The following TTN variants were observed in gnomAD, a reference collection of about 807,000 sequenced individuals.
TTN encodes titin.
A neutral mutation model predicts 3,223.0 loss-of-function variants in TTN; 1,525 were observed. That is an observed-to-expected ratio of 0.47 (90% CI 0.45 to 0.49). TTN has a LOEUF of 0.49. TTN is among the 20% of genes least tolerant of loss of function. The pLI is 0.00. For synonymous variants in TTN, 14,094 were observed against 15,161.0 expected, an observed-to-expected ratio of 0.93 and a Z score of 5.17; for missense variants, 40,786 against 43,424.0, an observed-to-expected ratio of 0.94 and a Z score of 5.40.
At chr2:178,684,495 G>T in intron 131 of TTN, 82 bp from the exon 132 acceptor site, 1 of 1,464,860 alleles carries the variant, frequency 6.8e-7, no homozygotes, top group Non-Finnish European at 9.4e-7. Flanking sequence ...TGTGATTTTA[G>T]AATAGAAGAA....
chr2:178,797,242 A>ATT (rs140929785), intron 6 of TTN, among the ~76,000 whole-genome samples: 2 of 151,192 alleles, frequency 1.3e-5, no homozygotes, highest in Admixed American at 1.3e-4. Flanking sequence ...GAGACTGAAC[A>ATT]TTTTTTTTTA....
At chr2:178,701,502 T>C in intron 110 of TTN, 26 bp downstream of exon 110, 2 of 1,604,100 alleles carry the variant, frequency 1.2e-6, no homozygotes, top group South Asian at 2.2e-5. Flanking sequence ...TGCTCCAAGC[T>C]CAGATGTTGA....
intron 243 of TTN, 52 bp from the exon 244 acceptor site, chr2:178,622,060 G>T: frequency 6.7e-7 from 1 of 1,500,768 alleles, no homozygotes. Context: ...CTTCACACAG[G>T]TGTCCTTAAG....
In TTN at chr2:178,578,948, G is replaced by A. The variant is rs79406408; in HGVS notation, c.68082C>T (p.Cys22694=). ...AGGTGGTTTTCTGGACAGCTGAGGC[G>A]CACGTCACCCACTTGTTGTTCACAG... ...RDSVNNKWVT[C]ASAVQKTTFR... is the part of the protein sequence containing the mutation. Residue 22694 remains cysteine (C), a synonymous_variant, in exon 320 of 363, where the codon TGC becomes TGT. Coordinates refer to ENST00000589042, the MANE Select transcript of TTN (RefSeq NM_001267550.2). 3.3e-4 allele frequency: 532 copies of A among 1,613,182 alleles called. No individual in the cohort carries two copies. In the East Asian group the frequency reaches 4.3e-3, roughly 13 times the overall value.
chr2:178,608,554 A>G, intron 274 of TTN, 52 bp downstream of exon 274: 1 of 1,575,056 alleles, frequency 6.3e-7, no homozygotes, highest in Non-Finnish European at 8.6e-7. Flanking sequence ...TAGTAATTAT[A>G]TACCAAAGTA....
chr2:178,553,873 T>C (rs1299585853), intron 333 of TTN, 41 bp downstream of exon 333: 2 of 1,564,154 alleles, frequency 1.3e-6, no homozygotes, highest in African/African-American at 1.4e-5. Context: ...CAGGTGAATA[T>C]AGAAGACACA....
At chr2:178,771,065 G>T in intron 34 of TTN, 146 bp downstream of exon 34, 3 of 1,297,428 alleles carry the variant, frequency 2.3e-6, no homozygotes, top group Non-Finnish European at 2.1e-6. Context: ...CTTGTGGAAT[G>T]TGTCTCAGGA....
In TTN at chr2:178,576,143, A is replaced by G. The variant is rs1211020644; in HGVS notation, c.69989T>C (p.Ile23330Thr). The change falls in exon 326 of 363, where the codon ATT becomes ACT. Residue 23330 changes from isoleucine (I) to threonine (T), a missense_variant. Coordinates refer to ENST00000589042, the MANE Select transcript of TTN (RefSeq NM_001267550.2). The surrounding 1 kb of genome is among the most constrained non-coding windows in gnomAD (Gnocchi z 4.3). Reference sequence around the variant, plus strand: ...CCGTTCTACGATTTCAACATCTGGAATCACCGCTGGCTCCCCAACACCTGC... The same window carrying G: ...CCGTTCTACGATTTCAACATCTGGAGTCACCGCTGGCTCCCCAACACCTGC... ...NDAGVGEPAV[I>T]PDVEIVEREM... 1 of 1,613,448 alleles carries G rather than the reference A, an allele frequency of 6.2e-7. No homozygotes were observed. Among genetic ancestry groups the G allele is most frequent in the South Asian group, 1.1e-5 (1 of 91,024 alleles).
intron 242 of TTN, 86 bp from the exon 243 acceptor site, chr2:178,622,853 C>T (rs920594454): frequency 9.4e-7 from 1 of 1,065,430 alleles, no homozygotes. Context: ...GAAAAAGTGA[C>T]TCTTTTTTAG....
At chr2:178,744,787 C>G (rs952206435) in intron 47 of TTN, 1 of 984,792 alleles carries the variant, frequency 1.0e-6, no homozygotes, top group African/African-American at 1.8e-5. Flanking sequence ...CAGGCCAATA[C>G]TAAATTATTG....
chr2:178,584,142 T>C, intron 311 of TTN, 134 bp downstream of exon 311: 4 of 1,130,296 alleles, frequency 3.5e-6, no homozygotes, highest in Non-Finnish European at 4.9e-6. Context: ...TAGAACATAT[T>C]CTTAAATGGG....
rs370352450 is a variant in TTN, at chr2:178,607,775, C to A, written c.53002+10G>T. The A allele has an allele frequency of 5.0e-6, 8 of 1,612,500 alleles. No homozygotes were observed. In the African/African-American group the frequency reaches 1.1e-4, roughly 22 times the overall value. On this transcript the variant is annotated intron_variant, in intron 276 of 362. Transcript: ENST00000589042. ...AATATCCATAATTTTATTCCAATAA[C>A]GTTAAGTACCTTGTGGTTCAGCCAC... is the stretch of plus-strand genomic sequence containing the variant.
intron 41 of TTN, 93 bp from the exon 42 acceptor site, chr2:178,764,904 T>A: frequency 1.4e-6 from 2 of 1,475,328 alleles, no homozygotes; most frequent in Non-Finnish European, 9.3e-7. Flanking sequence ...TGGCTAGTTA[T>A]ACATCCAGAG....
rs537432116 is a variant in TTN at position 178,758,987 on chromosome 2, C to T, written c.10300G>A (p.Glu3434Lys). ...QVSSTANLSL[E>K]GFSKFEENTS... ...TCTGAAAGTTGTTTTACTTTACCTTCCAGACTCAGGTTGGCTGTGCTTGAT... is the reference window on the plus strand; with the variant it reads ...TCTGAAAGTTGTTTTACTTTACCTTTCAGACTCAGGTTGGCTGTGCTTGAT... Residue 3434 changes from glutamate to lysine, a missense_variant, in exon 44 of 363, where the codon GAA becomes AAA. Glu to Lys is a moderately conservative substitution (Grantham distance 56, BLOSUM62 1). Transcript: ENST00000589042. 4.3e-6 allele frequency: 7 copies of T among 1,613,942 alleles called. No individual in the cohort carries two copies. In the South Asian group the frequency reaches 4.4e-5, roughly 10 times the overall value.
intron 117 of TTN, 29 bp from the exon 118 acceptor site, chr2:178,694,037 TC>T (rs759392667): frequency 1.3e-6 from 2 of 1,557,630 alleles, no homozygotes; most frequent in South Asian, 2.3e-5. Flanking sequence ...ACATTAGTAT[TC>T]CTTTTTTTTA....
rs373040154 is a variant in TTN, at chr2:178,617,388, G to A, written c.47697C>T (p.Cys15899=). ...SPILGYIIER[C]EEGKDNWIRC... The stretch of plus-strand genomic sequence containing the variant: ...GAATCCAATTATCTTTTCCTTCTTC[G>A]CATCGCTCAATTATATAGCCTAATA... Residue 15899 remains cysteine, a synonymous_variant, in exon 254 of 363, where the codon TGC becomes TGT. Coordinates refer to ENST00000589042, the MANE Select transcript of TTN (RefSeq NM_001267550.2). 36 of 1,588,198 alleles carry A rather than the reference G, an allele frequency of 2.3e-5. No homozygotes were observed. Among genetic ancestry groups the A allele is most frequent in the Middle Eastern group, 3.3e-4 (2 of 6,022 alleles).
Position 178,537,355 on chromosome 2 carries a change from A to T in TTN, c.99852T>A (p.Asp33284Glu). 6.4e-7 allele frequency: 1 copy of T among 1,559,518 alleles called. No individual in the cohort carries two copies. Among genetic ancestry groups the T allele is most frequent in the Non-Finnish European group, 8.7e-7 (1 of 1,154,606 alleles). The change falls in exon 355 of 363, where the codon GAT (aspartate) becomes GAA (glutamate). Residue 33284 changes from aspartate to glutamate, a missense_variant. Asp to Glu is a conservative substitution (Grantham distance 45). Coordinates refer to ENST00000589042, the MANE Select transcript of TTN (RefSeq NM_001267550.2). ...NVFGTVDAIL[D>E]VEIQDKPDKP... ...AAAATAAAATACCTTGTATTTCCAC[A>T]TCAAGGATGGCATCAACTGTTCCAA...
At position 178,633,290 on chromosome 2, in the gene TTN, A is replaced by C. The variant is rs2060028786; in HGVS notation, c.42983T>G (p.Val14328Gly). The change falls in exon 233 of 363, where the codon GTA (valine) becomes GGA (glycine). Residue 14328 changes from valine (V) to glycine (G), a missense_variant. Physicochemically the swap from Val to Gly is moderately radical, Grantham distance 109 (BLOSUM62 -3). Coordinates refer to ENST00000589042, the MANE Select transcript of TTN (RefSeq NM_001267550.2). ...GGCTGTTTCACCAACAAACACCTCTACTCCGTACAGAGGCTTTTCCACTTT... is the reference window on the plus strand; with the variant it reads ...GGCTGTTTCACCAACAAACACCTCTCCTCCGTACAGAGGCTTTTCCACTTT... ...LIKVEKPLYGVEVFVGETAHF... is the reference protein window; with the variant it reads ...LIKVEKPLYGGEVFVGETAHF... 1 of 1,613,140 alleles carries C rather than the reference A, an allele frequency of 6.2e-7. No individual in the cohort carries two copies. The highest frequency in any genetic ancestry group is 1.3e-5 in the African/African-American group (1 of 74,828).
rs764376907 is a variant in TTN at position 178,739,715 on chromosome 2, T to C, written c.13518A>G (p.Glu4506=). The C allele has an allele frequency of 4.3e-6, 7 of 1,613,828 alleles. No homozygotes were observed. The highest frequency in any genetic ancestry group is 5.1e-6 in the Non-Finnish European group (6 of 1,179,854). Residue 4506 remains glutamate, a synonymous_variant, in exon 48 of 363, where the codon GAA becomes GAG. Coordinates refer to ENST00000589042, the MANE Select transcript of TTN (RefSeq NM_001267550.2). ...QQGAKTSLQE[E]MDSFSGSQKV... ...TCTGTGAACCTGAAAAAGAATCCAT[T>C]TCTTCTTGCAAACTTGTTTTGGCTC...
Sources: gnomAD v4.1 joint callset for allele counts (sites outside exome capture counted in the v4.1 genomes callset) on GRCh38, gnomAD v4.1.1 for gene constraint, Gnocchi (gnomAD v3.1) non-coding constraint, MANE v1.5 for transcripts, NCBI Gene and HGNC (gene_info 2026-07-23, HGNC 2026-07-21) for gene names.